STEEP1: variants seen among roughly 807,000 people sequenced by gnomAD.
STEEP1 encodes STING ER exit protein.
STEEP1 carries 3 observed loss-of-function variants against 19.2 expected under a neutral mutation model. That is an observed-to-expected ratio of 0.16 (90% CI 0.07 to 0.40). STEEP1 has a LOEUF of 0.40. STEEP1 is among the 10% of genes least tolerant of loss of function. The pLI, the probability that STEEP1 is intolerant of heterozygous loss-of-function variation, is 0.99. For synonymous variants in STEEP1, 46 were observed against 63.7 expected (o/e 0.72, Z 1.32); for missense variants, 54 against 177.1 (o/e 0.30, Z 3.94).
chrX:119,553,603 G>A (rs2053258928), intron 2 of STEEP1, among the ~76,000 whole-genome samples: 1 of 111,036 alleles, frequency 9.0e-6, no homozygotes, highest in Admixed American at 9.7e-5. Context: ...TATGTCAAAG[G>A]TGCTCCAATT....
At chrX:119,557,759 G>A (rs984062065) in intron 2 of STEEP1, among the ~76,000 whole-genome samples, 1 of 110,843 alleles carries the variant, frequency 9.0e-6, no homozygotes, top group African/African-American at 3.3e-5. Flanking sequence ...GCTGGTAAAC[G>A]CCAAAAACCA....
chrX:119,559,843 G>A (rs926921317), intron 2 of STEEP1, among the ~76,000 whole-genome samples: 1 of 111,640 alleles, frequency 9.0e-6, no homozygotes, highest in Admixed American at 9.6e-5. Context: ...GAGGCCAGGA[G>A]TTCAAGACCA....
intron 1 of STEEP1, among the ~76,000 whole-genome samples, chrX:119,561,559 T>C (rs2053320694): frequency 9.1e-6 from 1 of 109,763 alleles, no homozygotes; most frequent in South Asian, 3.9e-4. Flanking sequence ...TCCCAGCTAG[T>C]TGGGAAGCTG....
chrX:119,560,786 C>T (rs953533182), intron 1 of STEEP1, among the ~76,000 whole-genome samples: 1 of 111,454 alleles, frequency 9.0e-6, no homozygotes, highest in African/African-American at 3.3e-5. Context: ...ATCAAGCATA[C>T]TGGAATGCCT....
At chrX:119,549,358 A>G (rs1358263426) in intron 2 of STEEP1, among the ~76,000 whole-genome samples, 1 of 111,885 alleles carries the variant, frequency 8.9e-6, no homozygotes, top group Non-Finnish European at 1.9e-5. Context: ...TTTGTCAATT[A>G]TACCTCAATA....
In STEEP1 at chrX:119,538,585, C is replaced by G. The variant is rs1411596022; in HGVS notation, c.*1142G>C. On this transcript the variant is annotated 3_prime_UTR_variant, in exon 7 of 7. Coordinates refer to ENST00000644802, the MANE Select transcript of STEEP1 (RefSeq NM_022101.4). The stretch of plus-strand genomic sequence containing the variant: ...AGTAGCCGTGACTACAGGGGTATGC[C>G]GCCACACCTGGCTAATTTCTTTTGT... 3 of 109,703 alleles carry G rather than the reference C, an allele frequency of 2.7e-5. No homozygotes were observed. The highest frequency in any genetic ancestry group is 1.0e-4 in the African/African-American group (3 of 30,075). 9.0% of individuals were successfully genotyped at this position (109,703 alleles called of 1,213,427 possible).
Position 119,541,323 on chromosome X carries a change from C to G in STEEP1, c.606+5G>C. On this transcript the variant is annotated splice_donor_5th_base_variant and intron_variant, in intron 6 of 6. Transcript: ENST00000644802. ...CCCAGCACCTTGCTACCCCTTGCTA[C>G]TCACCAGCTCTTGCAGTCGCCTCTT... The G allele has an allele frequency of 8.8e-7, 1 of 1,137,300 alleles. No individual in the cohort carries two copies. The highest frequency in any genetic ancestry group is 1.2e-6 in the Non-Finnish European group (1 of 828,694). The allele number at this position is 1,137,300 out of a possible 1,213,427, so 93.7% of individuals were successfully genotyped here. A position where few individuals can be genotyped will look rare whatever the true frequency, so the allele number is the denominator to read the frequency against.
intron 2 of STEEP1, among the ~76,000 whole-genome samples, chrX:119,555,792 G>A (rs1366964543): frequency 9.0e-6 from 1 of 111,322 alleles, no homozygotes; most frequent in Non-Finnish European, 1.9e-5. Context: ...GTGACTAGAT[G>A]TATGCAGGGG....
intron 2 of STEEP1, among the ~76,000 whole-genome samples, chrX:119,559,761 T>A (rs1324936322): frequency 6.2e-5 from 7 of 112,041 alleles, no homozygotes; most frequent in Non-Finnish European, 1.3e-4. Flanking sequence ...CAAATGGCAA[T>A]GGAGGGGCCG....
At chrX:119,560,130 A>G (rs370283648) in intron 2 of STEEP1, 138 bp downstream of exon 2, 1 of 495,807 alleles carries the variant, frequency 2.0e-6, no homozygotes, top group South Asian at 3.1e-5. Context: ...CTACATTAAC[A>G]GAAGTTAGAA....
In STEEP1 at chrX:119,560,280, A is replaced by G. The variant is rs1239938692; in HGVS notation, c.230T>C (p.Met77Thr). The G allele has an allele frequency of 8.3e-7, 1 of 1,198,826 alleles. No homozygotes were observed. Among genetic ancestry groups the G allele is most frequent in the Non-Finnish European group, 1.1e-6 (1 of 883,652 alleles). The change falls in exon 2 of 7, where the codon ATG becomes ACG. Residue 77 changes from methionine to threonine, a missense_variant. By Grantham distance (81) the Met-to-Thr change is moderately conservative. This residue lies in a region of STEEP1 where 47 missense variants were observed against 118.5 expected (regional missense o/e 0.40). Coordinates refer to ENST00000644802, the MANE Select transcript of STEEP1 (RefSeq NM_022101.4). The part of the protein sequence containing the change: ...KFCNTEDEET[M>T]YLRRPEGIER... ...ATCAACCTCTTACCTCCGCAGATAC[A>G]TAGTCTCCTCATCTTCTGTGTTACA...
intron 3 of STEEP1, 25 bp from the exon 4 acceptor site, chrX:119,544,516 C>T (rs765121600): frequency 8.4e-6 from 10 of 1,197,497 alleles, no homozygotes; most frequent in Admixed American, 2.2e-5. Context: ...TGAATTTCTG[C>T]GAGGTCTCAT....
At chrX:119,542,055 CTTTTTTTTTTTTTTT>C (rs201339708) in intron 5 of STEEP1, among the ~76,000 whole-genome samples, 5,820 of 82,823 alleles carry the variant, frequency 0.07, 289 homozygotes, top group African/African-American at 0.16. Context: ...CTTTTCTTTT[CTTTTTTTTTTTTTTT>C]TTTTTTTTTT....
At chrX:119,542,713 T>TTG (rs1284699274) in intron 4 of STEEP1, 119 bp from the exon 5 acceptor site, 1 of 443,447 alleles carries the variant, frequency 2.3e-6, no homozygotes, top group African/African-American at 2.4e-5. Context: ...CACTACCTCT[T>TTG]TGGGACAGGA....
At chrX:119,540,017 T>C (rs1368210610) in intron 6 of STEEP1, among the ~76,000 whole-genome samples, 1 of 111,468 alleles carries the variant, frequency 9.0e-6, no homozygotes, top group African/African-American at 3.3e-5. Context: ...AAGACAAGGC[T>C]GTGGCCACAG....
chrX:119,565,029 GAGTC>G, intron 1 of STEEP1, 199 bp downstream of exon 1: 4 of 453,409 alleles, frequency 8.8e-6, no homozygotes, highest in Non-Finnish European at 1.4e-5. Flanking sequence ...TCTGGATACA[GAGTC>G]ACAAGGCTAA....
At chrX:119,545,893 C>CAA (rs71927150) in intron 2 of STEEP1, among the ~76,000 whole-genome samples, 1,072 of 55,372 alleles carry the variant, frequency 0.019, 28 homozygotes, top group African/African-American at 0.061. Context: ...AACTCCGTCT[C>CAA]AAAAAAAAAA....
chrX:119,547,285 C>T (rs970327989), intron 2 of STEEP1, among the ~76,000 whole-genome samples: 3 of 111,552 alleles, frequency 2.7e-5, no homozygotes, highest in Admixed American at 9.7e-5. Context: ...ATGTCTTTTA[C>T]GTGTTGGACA....
intron 4 of STEEP1, 76 bp from the exon 5 acceptor site, chrX:119,542,670 G>A (rs190586253): frequency 7.4e-6 from 5 of 676,204 alleles, no homozygotes; most frequent in Admixed American, 4.6e-5. Context: ...GTGCGCACAC[G>A]CCTGTGTGAG....
Sources: gnomAD v4.1 joint callset for allele counts (sites outside exome capture counted in the v4.1 genomes callset) on GRCh38, gnomAD v4.1.1 for gene constraint, gnomAD v4.1.1 regional missense constraint, MANE v1.5 for transcripts, NCBI Gene and HGNC (gene_info 2026-07-23, HGNC 2026-07-21) for gene names.